TPM3: variants seen among roughly 807,000 people sequenced by gnomAD.
The protein encoded by TPM3 is tropomyosin alpha-3 chain.
TPM3 carries 16 observed loss-of-function variants against 43.1 expected under a neutral mutation model. The observed-to-expected ratio is 0.37, with a 90% CI of 0.25 to 0.56. The LOEUF is 0.56. Among genes scored for constraint, TPM3 ranks in the 20% least tolerant of loss-of-function variants. The pLI is 0.77. For missense variants in TPM3, 176 were observed against 337.2 expected, an observed-to-expected ratio of 0.52 and a Z score of 3.74; for synonymous variants, 101 against 116.9, an observed-to-expected ratio of 0.86 and a Z score of 0.88.
intron 1 of TPM3, chr1:154,191,536 A>G: frequency 7.6e-7 from 1 of 1,314,306 alleles, no homozygotes; most frequent in Non-Finnish European, 1.0e-6. Context: ...CTGGGTTTTC[A>G]TCCAAGACCC....
At chr1:154,159,046 G>C, downstream of TPM3, 2 of 780,552 alleles carry the variant, frequency 2.6e-6, no homozygotes, top group South Asian at 1.3e-5. Context: ...CTGTAGAGAC[G>C]CTCTGCAGCA....
chr1:154,184,853 G>T (rs1663331904), intron 2 of TPM3, among the ~76,000 whole-genome samples: 1 of 152,070 alleles, frequency 6.6e-6, no homozygotes, highest in South Asian at 2.1e-4. Flanking sequence ...GGCAGAGGTT[G>T]CAGTGAGCCA....
In TPM3 at chr1:154,172,890, G is replaced by C. The variant is rs111368844; in HGVS notation, c.566+18C>G. 1.1e-3 allele frequency: 1,720 copies of C among 1,613,998 alleles called. 13 individuals carry two copies. The African/African-American group carries it at 0.017, about 16-fold the overall frequency. On this transcript the variant is annotated intron_variant, in intron 5 of 9. Transcript: ENST00000651641. ...GGATAAATTGGTAATGACAAGATTT[G>C]GGGAGCTAGATACTCACGACTCTGC...
At chr1:154,179,413 G>T (rs1284965826) in intron 2 of TPM3, among the ~76,000 whole-genome samples, 1 of 152,148 alleles carries the variant, frequency 6.6e-6, no homozygotes, top group Non-Finnish European at 1.5e-5. Context: ...CCAGGCCCAC[G>T]AATAGAAGAG....
chr1:154,178,772 A>C (rs530222213), intron 2 of TPM3, among the ~76,000 whole-genome samples: 60 of 152,302 alleles, frequency 3.9e-4, no homozygotes, highest in Non-Finnish European at 7.2e-4. Context: ...CAGCTGACCT[A>C]TCTCTGCCCA....
At chr1:154,177,293 C>T (rs915867166) in intron 2 of TPM3, among the ~76,000 whole-genome samples, 7 of 152,256 alleles carry the variant, frequency 4.6e-5, no homozygotes, top group African/African-American at 1.7e-4. Flanking sequence ...CACTACCATT[C>T]CTCCAAATTT....
chr1:154,163,982 T>C lies in TPM3; in HGVS notation c.*3955A>G, dbSNP rs940104810. Reference sequence around the variant, plus strand: ...CCTTCATGGTTCTAATTTACCTCCATGGCATAAACTACCTGTACCCCATAT... The same window carrying C: ...CCTTCATGGTTCTAATTTACCTCCACGGCATAAACTACCTGTACCCCATAT... On this transcript the variant is annotated 3_prime_UTR_variant, in exon 10 of 10. Coordinates refer to ENST00000651641, the MANE Select transcript of TPM3 (RefSeq NM_152263.4). 8.6e-5 allele frequency among the ~76,000 whole-genome samples: 13 copies of C among 152,022 alleles called. No individual in the cohort carries two copies. The highest frequency in any genetic ancestry group is 3.1e-4 in the African/African-American group (13 of 41,384).
chr1:154,172,117 G>C, intron 5 of TPM3: 1 of 1,614,114 alleles, frequency 6.2e-7, no homozygotes, highest in South Asian at 1.1e-5. Context: ...GTTAGTGATA[G>C]TCACGGGGAT....
Position 154,167,777 on chromosome 1 carries a change from T to C in TPM3, c.*160A>G. On this transcript the variant is annotated 3_prime_UTR_variant, in exon 10 of 10. Transcript: ENST00000651641. The stretch of plus-strand genomic sequence containing the variant: ...AGCAGCTTAACATTTTAATTTGGGG[T>C]GGGGGTGGAAGAAAATACATAAGTT... The C allele has an allele frequency of 1.3e-6, 2 of 1,538,302 alleles. No individual in the cohort carries two copies. The highest frequency in any genetic ancestry group is 1.8e-6 in the Non-Finnish European group (2 of 1,140,768).
intron 3 of TPM3, among the ~76,000 whole-genome samples, chr1:154,175,330 CAAA>C (rs34360728): frequency 2.2e-5 from 2 of 89,482 alleles, no homozygotes; most frequent in Non-Finnish European, 4.4e-5. Flanking sequence ...GACTCTGTCT[CAAA>C]AAAAAAAAAA....
downstream of TPM3, chr1:154,158,760 C>G (rs926819146): frequency 5.3e-6 from 3 of 567,574 alleles, no homozygotes; most frequent in African/African-American, 5.6e-5. Flanking sequence ...CCCTTCTTCA[C>G]CCATAATCTC....
intron 9 of TPM3, among the ~76,000 whole-genome samples, chr1:154,168,670 C>T (rs1009095634): frequency 2.6e-5 from 4 of 151,984 alleles, no homozygotes; most frequent in Non-Finnish European, 4.4e-5. Context: ...TATAGACATG[C>T]GCCACCAAGC....
At chr1:154,157,449 A>G (rs2148182899), downstream of TPM3, 1 of 708,868 alleles carries the variant, frequency 1.4e-6, no homozygotes, top group East Asian at 2.5e-5. Flanking sequence ...CCTCTAGCCC[A>G]GCTGGATTCT....
downstream of TPM3, among the ~76,000 whole-genome samples, chr1:154,158,005 A>T (rs1289173046): frequency 6.6e-6 from 1 of 152,224 alleles, no homozygotes; most frequent in Non-Finnish European, 1.5e-5. Context: ...TCAGTCAATG[A>T]AAGAGCAAGC....
At chr1:154,178,271 C>G in intron 2 of TPM3, 1 of 799,322 alleles carries the variant, frequency 1.3e-6, no homozygotes, top group Non-Finnish European at 1.5e-6. Flanking sequence ...CAGGCAGTTT[C>G]TCCCACAAAT....
At chr1:154,173,306 T>C (rs1407302193) in intron 3 of TPM3, 105 bp from the exon 4 acceptor site, 1 of 897,776 alleles carries the variant, frequency 1.1e-6, no homozygotes, top group Non-Finnish European at 1.8e-6. Flanking sequence ...CTCCTCTCTG[T>C]CTGCCCCTCA....
Position 154,169,214 on chromosome 1 carries a change from G to A in TPM3, c.854+91C>T, listed in dbSNP as rs932014943. ...AGGGTGGAGATTCTAGTTTCCAAAG[G>A]ATAAAACCAAAGCACACCACTATGC... On this transcript the variant is annotated intron_variant, in intron 9 of 9. Coordinates refer to ENST00000651641, the MANE Select transcript of TPM3 (RefSeq NM_152263.4). 1.5e-5 allele frequency: 20 copies of A among 1,301,650 alleles called. No homozygotes were observed. The Admixed American group carries it at 2.6e-4, about 17-fold the overall frequency. The allele number at this position is 1,301,650 out of a possible 1,614,324, so 80.6% of individuals were successfully genotyped here.
chr1:154,184,380 G>A (rs1001878348), intron 2 of TPM3, among the ~76,000 whole-genome samples: 19 of 152,050 alleles, frequency 1.2e-4, no homozygotes. Context: ...TCCAAACCTT[G>A]GAATGATTCA....
intron 3 of TPM3, 27 bp from the exon 4 acceptor site, chr1:154,173,228 C>T: frequency 6.3e-7 from 1 of 1,592,160 alleles, no homozygotes; most frequent in Non-Finnish European, 8.6e-7. Flanking sequence ...AAAAGCAATA[C>T]TGACACCCTG....
Sources: gnomAD v4.1 joint callset for allele counts (sites outside exome capture counted in the v4.1 genomes callset) on GRCh38, gnomAD v4.1.1 for gene constraint, MANE v1.5 for transcripts, NCBI Gene and HGNC (gene_info 2026-07-23, HGNC 2026-07-21) for gene names.